The following CSNK1D variants were observed in gnomAD, a reference collection of about 807,000 sequenced individuals.
CSNK1D encodes casein kinase 1 delta, also known as casein kinase I isoform delta.
CSNK1D carries 16 observed loss-of-function variants against 46.6 expected under a neutral mutation model. The observed-to-expected ratio is 0.34, with a 90% CI of 0.23 to 0.52. The LOEUF (loss-of-function observed/expected upper bound fraction) is 0.52, where lower values mean the gene tolerates loss of function less well. Among genes scored for constraint, CSNK1D ranks in the 20% least tolerant of loss-of-function variants. The pLI is 0.95. For synonymous variants in CSNK1D, 276 were observed against 228.2 expected (o/e 1.21, Z -1.89); for missense variants, 398 against 578.4 (o/e 0.69, Z 3.20).
At chr17:82,239,969 G>T (rs370836789), downstream of CSNK1D, 16 of 1,232,144 alleles carry the variant, frequency 1.3e-5, no homozygotes, top group Non-Finnish European at 1.6e-5. Context: ...AGAGGCCGCC[G>T]GGGCCCTCAG....
At chr17:82,267,235 G>C (rs1285861754) in intron 1 of CSNK1D, among the ~76,000 whole-genome samples, 1 of 152,158 alleles carries the variant, frequency 6.6e-6, no homozygotes, top group African/African-American at 2.4e-5. Flanking sequence ...GGTTTCTCTT[G>C]TCAATGGAGA....
At chr17:82,244,973 G>A (rs1187676022) in intron 8 of CSNK1D, 142 bp from the exon 9 acceptor site, 30 of 1,029,262 alleles carry the variant, frequency 2.9e-5, no homozygotes, top group Non-Finnish European at 3.4e-5. Flanking sequence ...CCCCCGCCAC[G>A]CACAGGGGCC....
rs772785541 is a variant in CSNK1D, at chr17:82,273,412, C to A, written c.-31G>T. 3.1e-6 allele frequency: 5 copies of A among 1,609,306 alleles called. No homozygotes were observed. The African/African-American group carries it at 4.0e-5, about 13-fold the overall frequency. On this transcript the variant is annotated 5_prime_UTR_variant, in exon 1 of 9. Coordinates refer to ENST00000314028, the MANE Select transcript of CSNK1D (RefSeq NM_001893.6). This position sits in a 1 kb window ranked among gnomAD's most constrained non-coding sequence, Gnocchi z 5.1. ...CGGCGGCCCGATTCGCTCCTGCCCT[C>A]CCGGCCGCTTCCTGGGTCTGAACTC...
chr17:82,251,539 G>A lies in CSNK1D; in HGVS notation c.737-12C>T, dbSNP rs529878597. The A allele has an allele frequency of 1.9e-6, 3 of 1,613,760 alleles. No homozygotes were observed. In the South Asian group the frequency reaches 3.3e-5, roughly 18 times the overall value. ...TGTGGCAAATTCGGCTACAAAACAA[G>A]AAACTCAAAGCTAACTCATGAAACC... On this transcript the variant is annotated splice_polypyrimidine_tract_variant and intron_variant, in intron 5 of 8. Coordinates refer to ENST00000314028, the MANE Select transcript of CSNK1D (RefSeq NM_001893.6). The surrounding 1 kb of genome is among the most constrained non-coding windows in gnomAD (Gnocchi z 4.5).
At chr17:82,265,203 G>C (rs1196338353) in intron 2 of CSNK1D, 1 of 200,312 alleles carries the variant, frequency 5.0e-6, no homozygotes, top group Non-Finnish European at 1.0e-5. Flanking sequence ...GGGGGGGACA[G>C]GGTCTCACTC....
intron 2 of CSNK1D, among the ~76,000 whole-genome samples, chr17:82,261,395 C>T (rs2051335779): frequency 6.6e-6 from 1 of 152,102 alleles, no homozygotes; most frequent in Non-Finnish European, 1.5e-5. Context: ...CCGAAGGTAG[C>T]TAAACATATG....
At chr17:82,260,171 G>A (rs937547783) in intron 2 of CSNK1D, among the ~76,000 whole-genome samples, 2 of 151,056 alleles carry the variant, frequency 1.3e-5, no homozygotes, top group East Asian at 2.0e-4. Flanking sequence ...TGACTGATGT[G>A]ACTGATGGTG....
intron 8 of CSNK1D, chr17:82,245,189 G>A (rs1483392939): frequency 2.2e-6 from 1 of 463,424 alleles, no homozygotes; most frequent in Non-Finnish European, 4.0e-6. Flanking sequence ...ATGAAAAGCA[G>A]TTCCTGTCAA....
chr17:82,245,289 GCCGC>G (rs1197933883), intron 8 of CSNK1D: 1 of 297,112 alleles, frequency 3.4e-6, no homozygotes, highest in Non-Finnish European at 6.6e-6. Context: ...GCTGGAAGGA[GCCGC>G]CGAGCGCGCG....
chr17:82,242,889 G>A lies in CSNK1D; in HGVS notation c.*1892C>T, dbSNP rs753812982. On this transcript the variant is annotated 3_prime_UTR_variant, in exon 9 of 9. Coordinates refer to ENST00000314028, the MANE Select transcript of CSNK1D (RefSeq NM_001893.6). ...GCGAGGCTCGGGCTGGAACCCGGGCGCAGAGCTGCCTCGCACAAACGTTCT... is the reference window on the plus strand; with the variant it reads ...GCGAGGCTCGGGCTGGAACCCGGGCACAGAGCTGCCTCGCACAAACGTTCT... The A allele has an allele frequency of 5.6e-5, 55 of 985,446 alleles. No individual in the cohort carries two copies. Among genetic ancestry groups the A allele is most frequent in the African/African-American group, 1.7e-4 (10 of 57,350 alleles). The allele number at this position is 985,446 out of a possible 1,614,324, so 61.0% of individuals were successfully genotyped here. A position where few individuals can be genotyped will look rare whatever the true frequency, so the allele number is the denominator to read the frequency against.
chr17:82,249,711 G>T lies in CSNK1D; in HGVS notation c.886-109C>A. 3.3e-6 allele frequency: 5 copies of T among 1,523,518 alleles called. No individual in the cohort carries two copies. Among genetic ancestry groups the T allele is most frequent in the Non-Finnish European group, 4.4e-6 (5 of 1,139,718 alleles). The allele number at this position is 1,523,518 out of a possible 1,614,324, so 94.4% of individuals were successfully genotyped here. A position where few individuals can be genotyped will look rare whatever the true frequency, so the allele number is the denominator to read the frequency against. The stretch of plus-strand genomic sequence containing the variant: ...GAAAATACCTACCAAAGGGCACTGG[G>T]ACGAGACTGCCTGCAAAGCCCCCCA... On this transcript the variant is annotated intron_variant, in intron 6 of 8. Coordinates refer to ENST00000314028, the MANE Select transcript of CSNK1D (RefSeq NM_001893.6). This position sits in a 1 kb window ranked among gnomAD's most constrained non-coding sequence, Gnocchi z 6.7.
At position 82,247,685 on chromosome 17, in the gene CSNK1D, T is replaced by C. The variant is rs2050885554; in HGVS notation, c.1197+1190A>G. The stretch of plus-strand genomic sequence containing the variant: ...GTGGAAAGAAGCCAGTTAAACCCTT[T>C]CTGTGCTGTGTCTGGAGGTGACAGC... On this transcript the variant is annotated intron_variant, in intron 8 of 8. Coordinates refer to ENST00000314028, the MANE Select transcript of CSNK1D (RefSeq NM_001893.6). The C allele has an allele frequency of 1.9e-5, 19 of 985,378 alleles. No individual in the cohort carries two copies. In the South Asian group the frequency reaches 8.5e-4, roughly 44 times the overall value. 61.0% of individuals were successfully genotyped at this position (985,378 alleles called of 1,614,324 possible). A position where few individuals can be genotyped will look rare whatever the true frequency, so the allele number is the denominator to read the frequency against.
chr17:82,253,060 G>C lies in CSNK1D; in HGVS notation c.521C>G (p.Thr174Arg). ...GATGGAGGCGTACCGCGCCGTCCCCGTGAGGTTCTTGTTCTCACGATAGGG... is the reference window on the plus strand; with the variant it reads ...GATGGAGGCGTACCGCGCCGTCCCCCTGAGGTTCTTGTTCTCACGATAGGG... ...HIPYRENKNL[T>R]GTARYASINT... Residue 174 changes from threonine to arginine, a missense_variant, in exon 4 of 9, where the codon ACG (threonine) becomes AGG (arginine). Physicochemically the swap from Thr to Arg is moderately conservative, Grantham distance 71. Transcript: ENST00000314028. 1.2e-6 allele frequency: 2 copies of C among 1,614,044 alleles called. No individual in the cohort carries two copies. Among genetic ancestry groups the C allele is most frequent in the Non-Finnish European group, 1.7e-6 (2 of 1,179,980 alleles).
rs1213993846 is a variant in CSNK1D, at chr17:82,252,597, G to A, written c.573C>T (p.Ser191=). 3 of 1,613,732 alleles carry A rather than the reference G, an allele frequency of 1.9e-6. No homozygotes were observed. The part of the protein sequence containing the change: ...SINTHLGIEQ[S]RRDDLESLGY... ...CCAGAGACTCCAAGTCATCTCTTCGGGATTGTTCTGAAAAGAAAAGGGAAA... is the reference window on the plus strand; with the variant it reads ...CCAGAGACTCCAAGTCATCTCTTCGAGATTGTTCTGAAAAGAAAAGGGAAA... The change falls in exon 5 of 9, where the codon TCC becomes TCT. Residue 191 remains serine (S), a synonymous_variant. Coordinates refer to ENST00000314028, the MANE Select transcript of CSNK1D (RefSeq NM_001893.6). This position sits in a 1 kb window ranked among gnomAD's most constrained non-coding sequence, Gnocchi z 4.6.
At position 82,249,038 on chromosome 17, in the gene CSNK1D, G is replaced by C. The variant is rs1453990304; in HGVS notation, c.1058-24C>G. ...AGCTGAGGACAGGGAGAGAAACGGA[G>C]TGGGCCGCCCCCGTCTGCTGCCTCT... On this transcript the variant is annotated intron_variant, in intron 7 of 8. Coordinates refer to ENST00000314028, the MANE Select transcript of CSNK1D (RefSeq NM_001893.6). This position sits in a 1 kb window ranked among gnomAD's most constrained non-coding sequence, Gnocchi z 6.7. 55 of 1,550,128 alleles carry C rather than the reference G, an allele frequency of 3.5e-5. No homozygotes were observed. The highest frequency in any genetic ancestry group is 4.7e-5 in the Non-Finnish European group (54 of 1,146,664).
chr17:82,263,124 G>A (rs559011352), intron 2 of CSNK1D, among the ~76,000 whole-genome samples: 4 of 152,164 alleles, frequency 2.6e-5, no homozygotes, highest in Admixed American at 6.5e-5. Context: ...AGGTTGCAGT[G>A]GGCCAAGATT....
In CSNK1D at chr17:82,249,083, G is replaced by A. The variant is rs1001861341; in HGVS notation, c.1058-69C>T. ...GCCTCTCACTCGGGGCTTTCTATGA[G>A]AGGCTGTGGCCAGAGAGGACCCTGG... On this transcript the variant is annotated intron_variant, in intron 7 of 8. Transcript: ENST00000314028. This position sits in a 1 kb window ranked among gnomAD's most constrained non-coding sequence, Gnocchi z 6.7. 2.0e-6 allele frequency: 3 copies of A among 1,526,028 alleles called. No homozygotes were observed. In the African/African-American group the frequency reaches 4.1e-5, roughly 21 times the overall value. 94.5% of individuals were successfully genotyped at this position (1,526,028 alleles called of 1,614,324 possible).
At chr17:82,241,364 C>G (rs1251565383), downstream of CSNK1D, among the ~76,000 whole-genome samples, 1 of 152,228 alleles carries the variant, frequency 6.6e-6, no homozygotes, top group African/African-American at 2.4e-5. Flanking sequence ...GGAGGCGCTG[C>G]CCAGTACCTG....
Position 82,264,241 on chromosome 17 carries a change from C to T in CSNK1D, c.187+1445G>A, listed in dbSNP as rs901301168. 3.3e-5 allele frequency among the ~76,000 whole-genome samples: 5 copies of T among 152,346 alleles called. No homozygotes were observed. In the South Asian group the frequency reaches 6.2e-4, roughly 19 times the overall value. ...CAACCATCCACCTACAAATGTGCCG[C>T]GGAGCCTTCTCACTGGGAGGGCTCC... On this transcript the variant is annotated intron_variant, in intron 2 of 8. Transcript: ENST00000314028.
Sources: gnomAD v4.1 joint callset for allele counts (sites outside exome capture counted in the v4.1 genomes callset) on GRCh38, gnomAD v4.1.1 for gene constraint, Gnocchi (gnomAD v3.1) non-coding constraint, MANE v1.5 for transcripts, NCBI Gene and HGNC (gene_info 2026-07-23, HGNC 2026-07-21) for gene names.